Variants in ESR1 observed in about 807,000 individuals in gnomAD.
The protein encoded by ESR1 is estrogen receptor 1.
A neutral mutation model predicts 52.7 loss-of-function variants in ESR1; 12 were observed. That is an observed-to-expected ratio of 0.23 (90% CI 0.15 to 0.37). ESR1 has a LOEUF of 0.37. ESR1 is among the 10% of genes least tolerant of loss of function. ESR1 has a pLI of 1.00. For missense variants in ESR1, 584 were observed against 779.7 expected (o/e 0.75, Z 2.99); for synonymous variants, 305 against 316.8 (o/e 0.96, Z 0.39).
At chr6:152,086,538 T>C (rs551823555) in intron 6 of ESR1, among the ~76,000 whole-genome samples, 108 of 151,364 alleles carry the variant, frequency 7.1e-4, no homozygotes, top group Admixed American at 8.0e-4. Context: ...TGTAAGATTT[T>C]TTTCTCAAGT....
intron 3 of ESR1, among the ~76,000 whole-genome samples, chr6:151,913,476 C>T (rs1420002420): frequency 6.6e-6 from 1 of 152,088 alleles, no homozygotes; most frequent in Non-Finnish European, 1.5e-5. Flanking sequence ...TAAATGTCAC[C>T]CCATTTTGAA....
intron 1 of ESR1, among the ~76,000 whole-genome samples, chr6:151,810,129 G>A (rs1041601533): frequency 6.6e-6 from 1 of 152,064 alleles, no homozygotes; most frequent in Non-Finnish European, 1.5e-5. Flanking sequence ...AAGTGAACCT[G>A]GTCAAATACA....
At chr6:151,709,129 C>A (rs917289256) in intron 2 of ESR1, among the ~76,000 whole-genome samples, 2 of 152,022 alleles carry the variant, frequency 1.3e-5, no homozygotes, top group African/African-American at 4.8e-5. Context: ...TCACCTCCCA[C>A]CCCTCTGCCC....
chr6:151,955,362 A>G (rs1369947660), intron 4 of ESR1, among the ~76,000 whole-genome samples: 1 of 152,216 alleles, frequency 6.6e-6, no homozygotes, highest in Non-Finnish European at 1.5e-5. Context: ...CTGCATACAT[A>G]AAAAGGGTTG....
chr6:152,084,844 G>A (rs1026546511), intron 6 of ESR1, among the ~76,000 whole-genome samples: 20 of 152,286 alleles, frequency 1.3e-4, no homozygotes, highest in Admixed American at 6.5e-4. Flanking sequence ...GTGAGAAACC[G>A]GAGTACAGAT....
intron 2 of ESR1, among the ~76,000 whole-genome samples, chr6:151,843,771 A>G (rs1388514097): frequency 3.3e-5 from 5 of 152,214 alleles, no homozygotes. Context: ...GTTGAAAACC[A>G]GAGTCCGCTA....
At chr6:152,060,841 C>T (rs758203240) in intron 5 of ESR1, 150 bp from the exon 6 acceptor site, 5 of 647,810 alleles carry the variant, frequency 7.7e-6, no homozygotes, top group Admixed American at 2.9e-5. Context: ...AATGAATGTT[C>T]ATATTCCATG....
intron 4 of ESR1, among the ~76,000 whole-genome samples, chr6:151,971,967 G>A (rs3020322): frequency 0.57 from 85,972 of 151,934 alleles, 25,712 homozygotes; most frequent in Middle Eastern, 0.71. Flanking sequence ...AACGAAACAG[G>A]AGCTATTATA....
Position 151,749,118 on chromosome 6 carries a change from T to A in ESR1, c.-71+47113T>A, listed in dbSNP as rs1301600356. Among the ~76,000 whole-genome samples, 3 of 149,494 alleles carry A rather than the reference T, an allele frequency of 2.0e-5. No individual in the cohort carries two copies. In the Admixed American group the frequency reaches 2.0e-4, roughly 10 times the overall value. ...CAAGTATTATACAATAAGCTGTGTATATTAGGCCATAGGCTAAGCTACTGT... is the reference window on the plus strand; with the variant it reads ...CAAGTATTATACAATAAGCTGTGTAAATTAGGCCATAGGCTAAGCTACTGT... On this transcript the variant is annotated intron_variant, in intron 2 of 2. Transcript: ENST00000404742.
exon 7 of ESR1, chr6:152,127,221 ACGGTTAAC>A (rs1266903040): frequency 6.6e-6 from 1 of 152,148 alleles, no homozygotes; most frequent in Middle Eastern, 3.2e-3. Context: ...GCAGAGTGGT[ACGGTTAAC>A]GGGGTAGGGT....
chr6:151,762,533 A>G (rs1001840628), intron 2 of ESR1, among the ~76,000 whole-genome samples: 1 of 152,152 alleles, frequency 6.6e-6, no homozygotes, highest in African/African-American at 2.4e-5. Flanking sequence ...GAGTTTCTTC[A>G]CTTTTCTGTG....
chr6:151,738,915 C>CT (rs1782873560), intron 2 of ESR1, among the ~76,000 whole-genome samples: 1 of 152,160 alleles, frequency 6.6e-6, no homozygotes, highest in South Asian at 2.1e-4. Context: ...TGTTGATACT[C>CT]TGATTACCTC....
intron 2 of ESR1, among the ~76,000 whole-genome samples, chr6:151,732,861 A>G (rs1448099950): frequency 6.6e-6 from 1 of 152,112 alleles, no homozygotes; most frequent in African/African-American, 2.4e-5. Context: ...TTTGGACAGG[A>G]AGAGAACTAG....
At chr6:152,056,845 G>T (rs895341879) in intron 5 of ESR1, among the ~76,000 whole-genome samples, 1 of 152,142 alleles carries the variant, frequency 6.6e-6, no homozygotes, top group African/African-American at 2.4e-5. Context: ...TATGACTGGA[G>T]CTGTGTGCTT....
At chr6:152,019,333 A>G (rs1344762655) in intron 5 of ESR1, among the ~76,000 whole-genome samples, 4 of 152,204 alleles carry the variant, frequency 2.6e-5, no homozygotes, top group Non-Finnish European at 4.4e-5. Context: ...GATCAACAAG[A>G]TTATCAGTCG....
chr6:152,039,317 C>A (rs957898761), intron 5 of ESR1, among the ~76,000 whole-genome samples: 1 of 152,106 alleles, frequency 6.6e-6, no homozygotes, highest in African/African-American at 2.4e-5. Context: ...AAGAGACACC[C>A]TAAGGAATTT....
intron 2 of ESR1, among the ~76,000 whole-genome samples, chr6:151,771,627 C>CA (rs1785526792): frequency 1.3e-5 from 2 of 152,128 alleles, no homozygotes; most frequent in Non-Finnish European, 2.9e-5. Flanking sequence ...ATGCAAATGT[C>CA]AAATAGATCC....
chr6:152,107,751 G>T (rs2051083385), downstream of ESR1, among the ~76,000 whole-genome samples: 1 of 152,150 alleles, frequency 6.6e-6, no homozygotes, highest in Admixed American at 6.5e-5. Context: ...TGTTGCTACT[G>T]CTTGATTTTG....
chr6:151,823,702 A>G (rs1275826544), intron 1 of ESR1, among the ~76,000 whole-genome samples: 1 of 151,120 alleles, frequency 6.6e-6, no homozygotes, highest in Non-Finnish European at 1.5e-5. Context: ...ATTCCCACCT[A>G]TGAGTGAGAA....
Sources: allele counts gnomAD v4.1 joint callset (sites outside exome capture counted in the v4.1 genomes callset), GRCh38; gene constraint gnomAD v4.1.1; transcripts MANE v1.5; gene names NCBI Gene and HGNC (gene_info 2026-07-23, HGNC 2026-07-21).